The following WDR89 variants were observed in gnomAD, a reference collection of about 807,000 sequenced individuals.
WDR89 encodes WD repeat-containing protein 89.
A neutral mutation model predicts 29.1 loss-of-function variants in WDR89; 17 were observed. That is an observed-to-expected ratio of 0.58 (90% CI 0.40 to 0.88). The LOEUF is 0.88. Among genes scored for constraint, WDR89 ranks in the 40% least tolerant of loss-of-function variants. The pLI is 0.00. For synonymous variants in WDR89, 138 were observed against 157.8 expected (o/e 0.87, Z 0.94); for missense variants, 396 against 456.3 (o/e 0.87, Z 1.20).
chr14:63,624,228 G>A (rs1566797426), intron 2 of WDR89, among the ~76,000 whole-genome samples: 1 of 152,052 alleles, frequency 6.6e-6, no homozygotes, highest in Non-Finnish European at 1.5e-5. Context: ...AGCACTTTGG[G>A]AGGCCTGGGA....
intron 1 of WDR89, among the ~76,000 whole-genome samples, chr14:63,633,563 A>G (rs1883540751): frequency 6.6e-6 from 1 of 152,208 alleles, no homozygotes; most frequent in African/African-American, 2.4e-5. Flanking sequence ...CCAAATTAGG[A>G]GACCATTCAA....
intron 2 of WDR89, among the ~76,000 whole-genome samples, chr14:63,622,280 C>CA (rs1315681850): frequency 1.3e-5 from 2 of 151,518 alleles, no homozygotes; most frequent in African/African-American, 4.8e-5. Flanking sequence ...ACTAAAAATA[C>CA]AAAAAAAGTA....
intron 2 of WDR89, among the ~76,000 whole-genome samples, chr14:63,618,817 C>T (rs753596895): frequency 3.9e-5 from 6 of 152,062 alleles, no homozygotes; most frequent in East Asian, 1.9e-4. Flanking sequence ...CAAGTGTCCA[C>T]GGAGAAAAGG....
In WDR89 at chr14:63,599,592, AATATTGGAAGG is replaced by A; in HGVS notation, c.340_350del (p.Pro114PhefsTer5). ...TACAATTAATATCAAAACTGATAAA[AATATTGGAAGG>A]GTAACCCTTGAAGAGCTGAACAGGT... On this transcript the variant is annotated frameshift_variant, in exon 3 of 3. Transcript: ENST00000620954. LOFTEE classifies it high-confidence loss of function. 1 of 1,614,160 alleles carries A rather than the reference AATATTGGAAGG, an allele frequency of 6.2e-7. No homozygotes were observed. Among genetic ancestry groups the A allele is most frequent in the Non-Finnish European group, 8.5e-7 (1 of 1,180,012 alleles).
chr14:63,636,818 G>C (rs1049378057), intron 1 of WDR89, among the ~76,000 whole-genome samples: 3 of 152,150 alleles, frequency 2.0e-5, no homozygotes, highest in African/African-American at 7.2e-5. Flanking sequence ...AATTCTAGAA[G>C]ACAACATTGG....
intron 2 of WDR89, among the ~76,000 whole-genome samples, chr14:63,604,478 G>A (rs1051937136): frequency 1.3e-5 from 2 of 151,984 alleles, no homozygotes; most frequent in African/African-American, 4.8e-5. Flanking sequence ...CAAAGGTGTA[G>A]AAAAAAATAT....
chr14:63,622,000 A>G (rs1170493086), intron 2 of WDR89: 1 of 152,246 alleles, frequency 6.6e-6, no homozygotes, highest in Non-Finnish European at 1.5e-5. Context: ...GGATTGACAT[A>G]AAGAAATAAA....
intron 1 of WDR89, among the ~76,000 whole-genome samples, chr14:63,633,249 AT>A (rs926536369): frequency 5.3e-5 from 8 of 152,192 alleles, no homozygotes; most frequent in African/African-American, 1.9e-4. Flanking sequence ...AAGTATATAT[AT>A]ATATTTATGT....
Position 63,598,418 on chromosome 14 carries a change from A to G in WDR89, c.*361T>C, listed in dbSNP as rs2139821761. 6.0e-6 allele frequency: 1 copy of G among 167,266 alleles called. No individual in the cohort carries two copies. Among genetic ancestry groups the G allele is most frequent in the Admixed American group, 6.1e-5 (1 of 16,406 alleles). The allele number at this position is 167,266 out of a possible 1,614,324, so 10.4% of individuals were successfully genotyped here. A position where few individuals can be genotyped will look rare whatever the true frequency, so the allele number is the denominator to read the frequency against. Reference sequence around the variant, plus strand: ...TTATACACAATAAAGACAATTTAAAATGTAAAAAACTGGGCTTAAAAAATG... The same window carrying G: ...TTATACACAATAAAGACAATTTAAAGTGTAAAAAACTGGGCTTAAAAAATG... On this transcript the variant is annotated 3_prime_UTR_variant, in exon 3 of 3. Coordinates refer to ENST00000620954, the MANE Select transcript of WDR89 (RefSeq NM_080666.4).
At chr14:63,638,671 T>A (rs537790813) in intron 1 of WDR89, among the ~76,000 whole-genome samples, 1 of 152,222 alleles carries the variant, frequency 6.6e-6, no homozygotes, top group Non-Finnish European at 1.5e-5. Context: ...TTAAAGATAT[T>A]CCAGTGGAAA....
At chr14:63,636,285 C>T (rs1883733643) in intron 1 of WDR89, among the ~76,000 whole-genome samples, 1 of 152,280 alleles carries the variant, frequency 6.6e-6, no homozygotes, top group South Asian at 2.1e-4. Context: ...CAAATGGAAA[C>T]ACATCCCATG....
intron 2 of WDR89, among the ~76,000 whole-genome samples, chr14:63,623,603 T>C (rs1357146597): frequency 6.8e-6 from 1 of 146,788 alleles, no homozygotes; most frequent in African/African-American, 2.5e-5. Flanking sequence ...ACTTGGGAGG[T>C]TGGGGCAGGA....
intron 2 of WDR89, among the ~76,000 whole-genome samples, chr14:63,615,100 C>T (rs540128930): frequency 6.6e-6 from 1 of 152,332 alleles, no homozygotes; most frequent in Non-Finnish European, 1.5e-5. Context: ...GATTATGCTG[C>T]AGGTTCCAGA....
intron 2 of WDR89, among the ~76,000 whole-genome samples, chr14:63,616,602 A>G (rs977398012): frequency 2.0e-5 from 3 of 152,324 alleles, no homozygotes; most frequent in Middle Eastern, 3.4e-3. Context: ...ATGGAGCAAG[A>G]GCTGCCTAGG....
chr14:63,640,592 G>A (rs1024512910), intron 1 of WDR89, among the ~76,000 whole-genome samples: 12 of 151,174 alleles, frequency 7.9e-5, no homozygotes, highest in South Asian at 2.1e-4. Context: ...GGGTTCAAGC[G>A]ATTCTCCTGC....
chr14:63,625,466 A>T (rs1343329212), intron 1 of WDR89, among the ~76,000 whole-genome samples: 1 of 150,838 alleles, frequency 6.6e-6, no homozygotes, highest in Non-Finnish European at 1.5e-5. Flanking sequence ...TACAAAGTTT[A>T]AAAAGGTAAA....
At chr14:63,607,162 C>G (rs1232950936) in intron 2 of WDR89, among the ~76,000 whole-genome samples, 1 of 152,084 alleles carries the variant, frequency 6.6e-6, no homozygotes, top group Admixed American at 6.6e-5. Flanking sequence ...ATCTACTTTT[C>G]TCTTTAAAAC....
rs984476162 is a variant in WDR89 at position 63,599,214 on chromosome 14, C to T, written c.729G>A (p.Trp243Ter). Reference sequence around the variant, plus strand: ...CAGTGTCCAGATGATTAAGATCCCACCAATAAAATCCTTCATCATGTGTCA... The same window carrying T: ...CAGTGTCCAGATGATTAAGATCCCATCAATAAAATCCTTCATCATGTGTCA... ...YCMTHDEGFY[W>*]WDLNHLDTDE... Residue 243 changes from tryptophan to a stop codon, truncating the protein, a stop_gained, in exon 3 of 3, where the codon TGG becomes TGA. Transcript: ENST00000620954. LOFTEE classifies it high-confidence loss of function. 1.9e-6 allele frequency: 3 copies of T among 1,604,666 alleles called. No homozygotes were observed. Among genetic ancestry groups the T allele is most frequent in the African/African-American group, 1.3e-5 (1 of 74,730 alleles).
intron 2 of WDR89, among the ~76,000 whole-genome samples, chr14:63,605,030 G>A (rs1373811499): frequency 6.6e-6 from 1 of 151,994 alleles, no homozygotes. Context: ...CACGCCTATA[G>A]TCCCATCTAC....
Sources: gnomAD v4.1 joint callset for allele counts (sites outside exome capture counted in the v4.1 genomes callset) on GRCh38, gnomAD v4.1.1 for gene constraint, MANE v1.5 for transcripts, NCBI Gene and HGNC (gene_info 2026-07-23, HGNC 2026-07-21) for gene names.